The following LPIN2 variants were observed in gnomAD, a reference collection of about 807,000 sequenced individuals.
LPIN2 encodes lipin 2.
In LPIN2, 55 loss-of-function variants were observed where a neutral mutation model predicts 111.4. The ratio of observed to expected loss-of-function variants is 0.49; its 90% CI spans 0.40 to 0.62. The LOEUF is 0.62. Among genes scored for constraint, LPIN2 ranks in the 20% least tolerant of loss-of-function variants. The pLI is 0.00. For missense variants in LPIN2, 992 were observed against 1,112.1 expected (o/e 0.89, Z 1.54); for synonymous variants, 425 against 414.0 (o/e 1.03, Z -0.32).
At chr18:2,940,485 C>T (rs2077353686) in intron 5 of LPIN2, 120 bp downstream of exon 5, 3 of 650,784 alleles carry the variant, frequency 4.6e-6, no homozygotes, top group Non-Finnish European at 8.2e-6. Context: ...TACAAGTAAA[C>T]ATTCAGTTCC....
chr18:2,925,506 C>T lies in LPIN2; in HGVS notation c.1794-138G>A. The T allele has an allele frequency of 1.7e-6, 2 of 1,153,690 alleles. No homozygotes were observed. Among genetic ancestry groups the T allele is most frequent in the Non-Finnish European group, 2.5e-6 (2 of 790,024 alleles). The allele number at this position is 1,153,690 out of a possible 1,614,324, so 71.5% of individuals were successfully genotyped here. A position where few individuals can be genotyped will look rare whatever the true frequency, so the allele number is the denominator to read the frequency against. ...AGAGTTATCCCTTCTGCCATTCTCC[C>T]ATATCCACAGCTCTGTACGCCTGAA... On this transcript the variant is annotated intron_variant, in intron 13 of 19. Coordinates refer to ENST00000677752, the MANE Select transcript of LPIN2 (RefSeq NM_001375808.2). The surrounding 1 kb of genome is among the most constrained non-coding windows in gnomAD (Gnocchi z 4.1).
At chr18:2,998,536 C>T (rs2078379579) in intron 1 of LPIN2, among the ~76,000 whole-genome samples, 1 of 151,978 alleles carries the variant, frequency 6.6e-6, no homozygotes, top group South Asian at 2.1e-4. Flanking sequence ...GAGAAAACAA[C>T]AACAACAACA....
chr18:2,923,977 G>A (rs922399735), intron 15 of LPIN2, 116 bp from the exon 16 acceptor site: 2 of 843,646 alleles, frequency 2.4e-6, no homozygotes, highest in Non-Finnish European at 4.0e-6. Flanking sequence ...CTCTTGAAAG[G>A]GGATTTAATC....
At chr18:2,944,737 G>GT (rs2077423103) in intron 4 of LPIN2, among the ~76,000 whole-genome samples, 1 of 152,074 alleles carries the variant, frequency 6.6e-6, no homozygotes, top group Non-Finnish European at 1.5e-5. Context: ...TTAACTAAAG[G>GT]TTTTAAGAGG....
intron 18 of LPIN2, 100 bp downstream of exon 18, chr18:2,921,433 T>C: frequency 1.1e-6 from 1 of 902,174 alleles, no homozygotes; most frequent in East Asian, 2.5e-5. Context: ...CTCATTTTGC[T>C]TACAAAACTG....
intron 4 of LPIN2, among the ~76,000 whole-genome samples, chr18:2,943,921 G>T (rs1429491054): frequency 2.0e-5 from 3 of 152,104 alleles, no homozygotes; most frequent in Non-Finnish European, 2.9e-5. Context: ...CTTTATTAAC[G>T]AAAATAGTAC....
chr18:2,970,167 C>T (rs938843933), intron 1 of LPIN2, among the ~76,000 whole-genome samples: 6 of 152,134 alleles, frequency 3.9e-5, no homozygotes, highest in Non-Finnish European at 8.8e-5. Context: ...TTTTCTGATT[C>T]AATATTTCTG....
Position 2,925,385 on chromosome 18 carries a change from C to A in LPIN2, c.1794-17G>T. 1 of 1,613,984 alleles carries A rather than the reference C, an allele frequency of 6.2e-7. No homozygotes were observed. The highest frequency in any genetic ancestry group is 8.5e-7 in the Non-Finnish European group (1 of 1,179,958). Reference sequence around the variant, plus strand: ...TCGGCCGGCCTGTTCAACATTAGCCCAGTTACGGAAGAGGCAGCAGGGCAT... The same window carrying A: ...TCGGCCGGCCTGTTCAACATTAGCCAAGTTACGGAAGAGGCAGCAGGGCAT... On this transcript the variant is annotated splice_polypyrimidine_tract_variant and intron_variant, in intron 13 of 19. Coordinates refer to ENST00000677752, the MANE Select transcript of LPIN2 (RefSeq NM_001375808.2). This position sits in a 1 kb window ranked among gnomAD's most constrained non-coding sequence, Gnocchi z 4.1.
Position 2,951,104 on chromosome 18 carries a change from A to G in LPIN2, c.541T>C (p.Cys181Arg). 6.2e-7 allele frequency: 1 copy of G among 1,614,050 alleles called. No homozygotes were observed. Among genetic ancestry groups the G allele is most frequent in the East Asian group, 2.2e-5 (1 of 44,880 alleles). Reference protein sequence around the residue: ...QAASAAAEDTCDVGVSSDDDK... With the variant: ...QAASAAAEDTRDVGVSSDDDK... ...TCATCGGAGCTCACGCCTACATCAC[A>G]TGTGTCTTCTGCAGCAGCAGATGCG... Residue 181 changes from cysteine to arginine, a missense_variant, in exon 4 of 20, where the codon TGT (cysteine) becomes CGT (arginine). This residue lies in a region of LPIN2 where 709 missense variants were observed against 753.2 expected (regional missense o/e 0.94). Transcript: ENST00000677752.
intron 6 of LPIN2, among the ~76,000 whole-genome samples, chr18:2,938,881 T>C (rs972739165): frequency 9.9e-5 from 15 of 152,002 alleles, no homozygotes; most frequent in African/African-American, 3.6e-4. Context: ...TGGCTGGGGA[T>C]GGCAGCTCAC....
intron 1 of LPIN2, among the ~76,000 whole-genome samples, chr18:2,980,585 T>C (rs2078094236): frequency 6.6e-6 from 1 of 152,230 alleles, no homozygotes; most frequent in South Asian, 2.1e-4. Flanking sequence ...TAAATCTGGT[T>C]GAGCTTTTTG....
intron 1 of LPIN2, among the ~76,000 whole-genome samples, chr18:3,011,081 C>T (rs759784458): frequency 5.3e-5 from 8 of 152,090 alleles, no homozygotes; most frequent in Non-Finnish European, 1.0e-4. Context: ...TACTGAGCAG[C>T]TATGGAGTTT....
chr18:2,924,060 C>A (rs1598522009), intron 15 of LPIN2, among the ~76,000 whole-genome samples, 199 bp from the exon 16 acceptor site: 1 of 152,216 alleles, frequency 6.6e-6, no homozygotes, highest in Non-Finnish European at 1.5e-5. Context: ...CGGAGTCTCA[C>A]GAGCGCCAGA....
At chr18:2,980,343 A>T (rs1213881611) in intron 1 of LPIN2, among the ~76,000 whole-genome samples, 3 of 152,220 alleles carry the variant, frequency 2.0e-5, no homozygotes, top group African/African-American at 7.2e-5. Flanking sequence ...AACACTGGCC[A>T]TGCTAGACTG....
intron 1 of LPIN2, among the ~76,000 whole-genome samples, chr18:3,008,782 G>A (rs1163422885): frequency 6.6e-6 from 1 of 152,024 alleles, no homozygotes. Context: ...GCGTGAACAT[G>A]GCTCACTGCA....
chr18:2,967,900 T>C (rs140898705), intron 1 of LPIN2, among the ~76,000 whole-genome samples: 1 of 152,264 alleles, frequency 6.6e-6, no homozygotes, highest in Non-Finnish European at 1.5e-5. Flanking sequence ...AAATAGAAAA[T>C]AGCAGCCGCA....
chr18:2,923,030 T>C (rs778057644), intron 16 of LPIN2, among the ~76,000 whole-genome samples: 62 of 152,204 alleles, frequency 4.1e-4, no homozygotes, highest in Non-Finnish European at 5.9e-4. Context: ...ACAAACGCCA[T>C]GGCACGGCTA....
At chr18:3,008,589 A>G (rs1225386247) in intron 1 of LPIN2, among the ~76,000 whole-genome samples, 1 of 152,202 alleles carries the variant, frequency 6.6e-6, no homozygotes, top group Admixed American at 6.5e-5. Context: ...ACCAGTTCCA[A>G]CTTTAAAGTT....
Position 2,976,557 on chromosome 18 carries a change from G to A in LPIN2, c.-9-15708C>T, listed in dbSNP as rs144885689. On this transcript the variant is annotated intron_variant, in intron 1 of 19. Transcript: ENST00000677752. ...AATCGTAAGCCTGTCATTTGTCTGC[G>A]TGGATTGTTTACATGTTTTTTAAAA... 5.9e-5 allele frequency among the ~76,000 whole-genome samples: 9 copies of A among 152,292 alleles called. No homozygotes were observed. In the East Asian group the frequency reaches 1.2e-3, roughly 20 times the overall value.
Sources: allele counts gnomAD v4.1 joint callset (sites outside exome capture counted in the v4.1 genomes callset), GRCh38; gene constraint gnomAD v4.1.1; regional missense constraint gnomAD v4.1.1; non-coding constraint Gnocchi (gnomAD v3.1); transcripts MANE v1.5; gene names NCBI Gene and HGNC (gene_info 2026-07-23, HGNC 2026-07-21).